The following TMEM237 variants were observed in gnomAD, a reference collection of about 807,000 sequenced individuals.
TMEM237 encodes the protein transmembrane protein 237.
Under a neutral mutation model 59.1 loss-of-function variants are expected in TMEM237, and 51 were observed. The ratio of observed to expected loss-of-function variants is 0.86; its 90% CI spans 0.69 to 1.09. TMEM237 has a LOEUF of 1.09. Among genes scored for constraint, TMEM237 ranks in the 50% least tolerant of loss-of-function variants. TMEM237 has a pLI of 0.00. For synonymous variants in TMEM237, 140 were observed against 166.1 expected, an observed-to-expected ratio of 0.84 and a Z score of 1.21; for missense variants, 475 against 478.3, an observed-to-expected ratio of 0.99 and a Z score of 0.06.
intron 1 of TMEM237, chr2:201,642,647 G>C (rs1390282640): frequency 6.2e-7 from 1 of 1,607,690 alleles, no homozygotes; most frequent in Non-Finnish European, 8.5e-7. Context: ...GCCGGCCTCG[G>C]CGGCCGCCGG....
rs1419402032 is a variant in TMEM237 at position 201,620,647 on chromosome 2, A to T, written c.*3608T>A. ...GGATGTTGCCAGTTGGACATTGGAC[A>T]GGGAGTTGCTGGGCAAATGTCCTCA... On this transcript the variant is annotated 3_prime_UTR_variant, in exon 13 of 13. Coordinates refer to ENST00000409883, the MANE Select transcript of TMEM237 (RefSeq NM_001044385.3). 6.6e-6 allele frequency: 1 copy of T among 152,242 alleles called. No homozygotes were observed. The highest frequency in any genetic ancestry group is 2.4e-5 in the African/African-American group (1 of 41,458). The allele number at this position is 152,242 out of a possible 1,614,324, so 9.4% of individuals were successfully genotyped here.
At chr2:201,640,990 C>T in intron 1 of TMEM237, 66 bp from the exon 2 acceptor site, 3 of 1,449,664 alleles carry the variant, frequency 2.1e-6, no homozygotes, top group Non-Finnish European at 2.8e-6. Flanking sequence ...CAAATACCAT[C>T]ACGCTATTTT....
chr2:201,623,252 A>G lies in TMEM237; in HGVS notation c.*1003T>C. 2.3e-6 allele frequency: 1 copy of G among 432,306 alleles called. No homozygotes were observed. Among genetic ancestry groups the G allele is most frequent in the Non-Finnish European group, 4.7e-6 (1 of 213,914 alleles). The allele number at this position is 432,306 out of a possible 1,614,324, so 26.8% of individuals were successfully genotyped here. A position where few individuals can be genotyped will look rare whatever the true frequency, so the allele number is the denominator to read the frequency against. ...TATTGATGTGCTCAACAGCCTTTGAAACATTTTTTCCCATAGCTAGTCTTC... is the reference window on the plus strand; with the variant it reads ...TATTGATGTGCTCAACAGCCTTTGAGACATTTTTTCCCATAGCTAGTCTTC... On this transcript the variant is annotated 3_prime_UTR_variant, in exon 13 of 13. Transcript: ENST00000409883.
intron 12 of TMEM237, 64 bp downstream of exon 12, chr2:201,625,959 AAGG>A: frequency 6.9e-7 from 1 of 1,455,562 alleles, no homozygotes; most frequent in Non-Finnish European, 9.3e-7. Flanking sequence ...TACCTATTAA[AAGG>A]AGGTTTATAA....
rs1361252955 is a variant in TMEM237 at position 201,628,160 on chromosome 2, T to C, written c.870-11A>G. The C allele has an allele frequency of 1.9e-6, 3 of 1,585,876 alleles. No homozygotes were observed. Among genetic ancestry groups the C allele is most frequent in the African/African-American group, 1.3e-5 (1 of 74,256 alleles). On this transcript the variant is annotated splice_polypyrimidine_tract_variant and intron_variant, in intron 9 of 12. Coordinates refer to ENST00000409883, the MANE Select transcript of TMEM237 (RefSeq NM_001044385.3). ...TTAGCAAAGTCAATCCTAGAAAATA[T>C]AAAAGTTTCTTGTCACAGCGCAGTT... is the stretch of plus-strand genomic sequence containing the variant.
chr2:201,638,015 C>A (rs1687336467), intron 4 of TMEM237, among the ~76,000 whole-genome samples: 1 of 152,182 alleles, frequency 6.6e-6, no homozygotes, highest in Admixed American at 6.5e-5. Flanking sequence ...CTGCACCTAG[C>A]AATTCCACTG....
At position 201,638,994 on chromosome 2, in the gene TMEM237, G is replaced by A. The variant is rs1297284388; in HGVS notation, c.131C>T (p.Thr44Ile). ...AACAAAGAATAACGTCTTACCTGGT[G>A]TGTTTTTTGTTCTGGGCTTCTTTTT... ...PKKKKPRTKN[T>I]PASASLEGLA... The change falls in exon 4 of 13, where the codon ACA becomes ATA. Residue 44 changes from threonine (T) to isoleucine (I), a missense_variant. Physicochemically the swap from Thr to Ile is moderately conservative, Grantham distance 89. Transcript: ENST00000409883. 3.8e-6 allele frequency: 6 copies of A among 1,582,460 alleles called. No individual in the cohort carries two copies. The highest frequency in any genetic ancestry group is 5.2e-6 in the Non-Finnish European group (6 of 1,163,104).
At chr2:201,627,725 A>G (rs901393155) in intron 10 of TMEM237, among the ~76,000 whole-genome samples, 1 of 152,196 alleles carries the variant, frequency 6.6e-6, no homozygotes, top group Admixed American at 6.5e-5. Flanking sequence ...CTCAAAACTT[A>G]GAACAAAATG....
chr2:201,628,945 C>T (rs1957783562), intron 9 of TMEM237, among the ~76,000 whole-genome samples: 1 of 152,158 alleles, frequency 6.6e-6, no homozygotes, highest in Non-Finnish European at 1.5e-5. Flanking sequence ...CTGAGTTTCA[C>T]CTATACCTGA....
intron 9 of TMEM237, 131 bp downstream of exon 9, chr2:201,629,099 T>C: frequency 1.7e-6 from 1 of 601,472 alleles, no homozygotes; most frequent in South Asian, 6.0e-5. Flanking sequence ...AGAAGTAGAC[T>C]GGCCTTAAAA....
At chr2:201,627,721 A>G (rs899817035) in intron 10 of TMEM237, among the ~76,000 whole-genome samples, 3 of 152,280 alleles carry the variant, frequency 2.0e-5, no homozygotes, top group South Asian at 2.1e-4. Flanking sequence ...TATTCTCAAA[A>G]CTTAGAACAA....
chr2:201,635,446 G>A lies in TMEM237; in HGVS notation c.274+1302C>T, dbSNP rs1354533441. ...GCCACCACAAGTCAAACAATGCCAA[G>A]GACTGTCAACAACCATAAGAAGCTA... On this transcript the variant is annotated intron_variant, in intron 5 of 12. Transcript: ENST00000409883. This position sits in a 1 kb window ranked among gnomAD's most constrained non-coding sequence, Gnocchi z 4.5. Among the ~76,000 whole-genome samples, 2 of 152,192 alleles carry A rather than the reference G, an allele frequency of 1.3e-5. No homozygotes were observed. The highest frequency in any genetic ancestry group is 2.4e-5 in the African/African-American group (1 of 41,444).
At position 201,620,448 on chromosome 2, in the gene TMEM237, G is replaced by C. The variant is rs1307498108; in HGVS notation, c.*3807C>G. 1 of 152,206 alleles carries C rather than the reference G, an allele frequency of 6.6e-6. No individual in the cohort carries two copies. Among genetic ancestry groups the C allele is most frequent in the Non-Finnish European group, 1.5e-5 (1 of 68,040 alleles). The allele number at this position is 152,206 out of a possible 1,614,324, so 9.4% of individuals were successfully genotyped here. ...TATCCTTGTCAGCCTAAATAACAGA[G>C]AGGGAGACTCTCTGAAAGAAAATGA... is the stretch of plus-strand genomic sequence containing the variant. On this transcript the variant is annotated 3_prime_UTR_variant, in exon 13 of 13. Coordinates refer to ENST00000409883, the MANE Select transcript of TMEM237 (RefSeq NM_001044385.3).
In TMEM237 at chr2:201,627,324, A is replaced by G; in HGVS notation, c.1034T>C (p.Leu345Pro). 6.2e-7 allele frequency: 1 copy of G among 1,602,502 alleles called. No individual in the cohort carries two copies. The highest frequency in any genetic ancestry group is 8.5e-7 in the Non-Finnish European group (1 of 1,173,204). ...TAATGTCATTGTGAATTCTTACCAG[A>G]GGCTACCATTAACAGAAGAAGGTGT... ...LYTPSSVNGSLWEAGIEEQIL... is the reference protein window; with the variant it reads ...LYTPSSVNGSPWEAGIEEQIL... The change falls in exon 11 of 13, where the codon CTC becomes CCC. Residue 345 changes from leucine to proline, a missense_variant. Coordinates refer to ENST00000409883, the MANE Select transcript of TMEM237 (RefSeq NM_001044385.3).
At position 201,633,409 on chromosome 2, in the gene TMEM237, T is replaced by C. The variant is rs767711440; in HGVS notation, c.297A>G (p.Gln99=). 50 of 1,566,080 alleles carry C rather than the reference T, an allele frequency of 3.2e-5. No homozygotes were observed. The highest frequency in any genetic ancestry group is 3.3e-4 in the Middle Eastern group (2 of 6,012). The change falls in exon 6 of 13, where the codon CAA becomes CAG. Residue 99 remains glutamine, a synonymous_variant. Transcript: ENST00000409883. Reference sequence around the variant, plus strand: ...ATAAAGATGAACTAGATGACTTCTTTTGGGTGGAGGAAGTCTCCAATTCTG... The same window carrying C: ...ATAAAGATGAACTAGATGACTTCTTCTGGGTGGAGGAAGTCTCCAATTCTG... ...LPLELETSST[Q]KKSSSSSLLR... is the part of the protein sequence containing the mutation.
In TMEM237 at chr2:201,626,118, T is replaced by TG. The variant is rs751952525; in HGVS notation, c.1066dup (p.Gln356ProfsTer24). ...CACGAGATTCACCACAATCCATGGC[T>TG]GGAGAATCTGTTCCTCAATTCCTGC... is the stretch of plus-strand genomic sequence containing the variant. On this transcript the variant is annotated frameshift_variant, in exon 12 of 13. Coordinates refer to ENST00000409883, the MANE Select transcript of TMEM237 (RefSeq NM_001044385.3). LOFTEE classifies it high-confidence loss of function. 3.4e-5 allele frequency: 54 copies of TG among 1,611,082 alleles called. No individual in the cohort carries two copies. Among genetic ancestry groups the TG allele is most frequent in the Non-Finnish European group, 4.5e-5 (53 of 1,178,620 alleles).
chr2:201,638,888 C>T (rs1053003902), intron 4 of TMEM237, 101 bp downstream of exon 4: 6 of 1,137,112 alleles, frequency 5.3e-6, no homozygotes, highest in Non-Finnish European at 7.6e-6. Flanking sequence ...AGTGGAGATT[C>T]GGGGCTGCTG....
At chr2:201,641,707 C>CATATATAT (rs10586927) in intron 1 of TMEM237, among the ~76,000 whole-genome samples, 16 of 149,680 alleles carry the variant, frequency 1.1e-4, no homozygotes, top group African/African-American at 3.4e-4. Flanking sequence ...ATCGTGTGTG[C>CATATATAT]ATATATATAT....
chr2:201,623,202 C>G lies in TMEM237; in HGVS notation c.*1053G>C. On this transcript the variant is annotated 3_prime_UTR_variant, in exon 13 of 13. Transcript: ENST00000409883. ...CTGTTCTATAACATTCAGGTGCTTG[C>G]TAATCAGGGCAGGCTCAATAGTTTT... 1 of 412,906 alleles carries G rather than the reference C, an allele frequency of 2.4e-6. No individual in the cohort carries two copies. Among genetic ancestry groups the G allele is most frequent in the Admixed American group, 2.5e-5 (1 of 40,206 alleles). The allele number at this position is 412,906 out of a possible 1,614,324, so 25.6% of individuals were successfully genotyped here. A position where few individuals can be genotyped will look rare whatever the true frequency, so the allele number is the denominator to read the frequency against.
Sources: allele counts gnomAD v4.1 joint callset (sites outside exome capture counted in the v4.1 genomes callset), GRCh38; gene constraint gnomAD v4.1.1; non-coding constraint Gnocchi (gnomAD v3.1); transcripts MANE v1.5; gene names NCBI Gene and HGNC (gene_info 2026-07-23, HGNC 2026-07-21).